GSE1: variants seen among roughly 807,000 people sequenced by gnomAD.
GSE1 encodes the protein Gse1 coiled-coil protein.
Under a neutral mutation model 112.6 loss-of-function variants are expected in GSE1, and 32 were observed. That is an observed-to-expected ratio of 0.28 (90% CI 0.21 to 0.38). The LOEUF (loss-of-function observed/expected upper bound fraction) is 0.38, where lower values mean the gene tolerates loss of function less well. Among genes scored for constraint, GSE1 ranks in the 10% least tolerant of loss-of-function variants. GSE1 has a pLI of 1.00. For missense variants in GSE1, 2,348 were observed against 1,699.2 expected (o/e 1.38, Z -6.71); for synonymous variants, 1,115 against 735.6 (o/e 1.52, Z -8.35).
At chr16:85,422,525 C>T (rs2048872498) in intron 2 of GSE1, among the ~76,000 whole-genome samples, 1 of 151,870 alleles carries the variant, frequency 6.6e-6, no homozygotes, top group South Asian at 2.1e-4. Flanking sequence ...TGCGGGAGTC[C>T]CCTTGTACAC....
intron 1 of GSE1, among the ~76,000 whole-genome samples, chr16:85,251,460 C>A (rs1286740787): frequency 6.6e-6 from 1 of 152,262 alleles, no homozygotes; most frequent in African/African-American, 2.4e-5. Context: ...TCTCTGTTTC[C>A]CTGGGCTCAG....
intron 5 of GSE1, among the ~76,000 whole-genome samples, chr16:85,655,440 C>G (rs914246368): frequency 6.6e-6 from 1 of 152,212 alleles, no homozygotes; most frequent in Admixed American, 6.5e-5. Context: ...GCCCAGCCTG[C>G]TCGCCAGCCT....
chr16:85,631,961 G>T (rs771204537), intron 1 of GSE1, among the ~76,000 whole-genome samples: 4 of 152,270 alleles, frequency 2.6e-5, no homozygotes, highest in Admixed American at 6.5e-5. Context: ...CTTGGGGGCA[G>T]CGTGGCTGGC....
At chr16:85,499,200 G>A (rs1304497667) in intron 2 of GSE1, among the ~76,000 whole-genome samples, 1 of 151,634 alleles carries the variant, frequency 6.6e-6, no homozygotes, top group African/African-American at 2.4e-5. Flanking sequence ...CCTGGGCACA[G>A]TGAAGCTCAT....
chr16:85,422,469 T>G (rs1597708804), intron 2 of GSE1, among the ~76,000 whole-genome samples: 2 of 148,342 alleles, frequency 1.3e-5, no homozygotes, highest in Admixed American at 6.7e-5. Flanking sequence ...CGGGAGGCAG[T>G]GTGGGGTGGG....
intron 2 of GSE1, among the ~76,000 whole-genome samples, chr16:85,538,982 G>A (rs958938472): frequency 2.8e-4 from 43 of 152,130 alleles, no homozygotes; most frequent in African/African-American, 8.2e-4. Context: ...CTGCCATCCG[G>A]GCCACCATGG....
chr16:85,326,695 G>T (rs748044033), intron 1 of GSE1, among the ~76,000 whole-genome samples: 41 of 152,148 alleles, frequency 2.7e-4, no homozygotes, highest in Non-Finnish European at 5.0e-4. Flanking sequence ...CCTCAGTCTC[G>T]GATATTTCGC....
intron 2 of GSE1, chr16:85,463,162 TG>T (rs540027305): frequency 2.0e-4 from 190 of 969,390 alleles, no homozygotes; most frequent in Middle Eastern, 1.6e-3. Flanking sequence ...GACGGGAGGG[TG>T]GGGGGTCCGG....
Position 85,231,442 on chromosome 16 carries a change from G to C in GSE1, c.2283+59635G>C, listed in dbSNP as rs543398725. 1.2e-3 allele frequency among the ~76,000 whole-genome samples: 187 copies of C among 151,644 alleles called. 1 individual carries two copies. In the Middle Eastern group the frequency reaches 0.014, roughly 11 times the overall value. On this transcript the variant is annotated intron_variant, in intron 1 of 2. Coordinates refer to the GSE1 transcript ENST00000637419. Reference sequence around the variant, plus strand: ...TGGATGGATGGATGGACAGATGAATGGATGGATGGAAGGATGGATGGATGG... The same window carrying C: ...TGGATGGATGGATGGACAGATGAATCGATGGATGGAAGGATGGATGGATGG...
intron 1 of GSE1, among the ~76,000 whole-genome samples, chr16:85,337,457 C>G (rs568265779): frequency 6.6e-6 from 1 of 152,026 alleles, no homozygotes; most frequent in African/African-American, 2.4e-5. Context: ...AGGCGCCCGC[C>G]ACCACGCCCG....
intron 1 of GSE1, among the ~76,000 whole-genome samples, chr16:85,304,234 A>G (rs2151466798): frequency 6.6e-6 from 1 of 152,328 alleles, no homozygotes; most frequent in South Asian, 2.1e-4. Flanking sequence ...GTCCCAGGAA[A>G]AGGAAGGGAT....
intron 1 of GSE1, among the ~76,000 whole-genome samples, chr16:85,200,798 T>G (rs2075014250): frequency 6.6e-6 from 1 of 152,302 alleles, no homozygotes; most frequent in East Asian, 1.9e-4. Flanking sequence ...TGGCATTAAA[T>G]GCGTTCACAG....
intron 1 of GSE1, among the ~76,000 whole-genome samples, chr16:85,284,275 C>T (rs1678678847): frequency 6.6e-6 from 1 of 152,232 alleles, no homozygotes; most frequent in Non-Finnish European, 1.5e-5. Flanking sequence ...GGACAAAGAA[C>T]ATGACAGCAG....
chr16:85,410,382 T>C (rs1369137648), intron 2 of GSE1, among the ~76,000 whole-genome samples: 1 of 31,628 alleles, frequency 3.2e-5, no homozygotes, highest in African/African-American at 2.0e-4. Context: ...TAATCCTCAC[T>C]TTTACACTCA....
chr16:85,645,074 G>A (rs927830220), intron 2 of GSE1, among the ~76,000 whole-genome samples: 13 of 151,244 alleles, frequency 8.6e-5, no homozygotes, highest in Non-Finnish European at 1.5e-5. Flanking sequence ...TGCAGCCAGC[G>A]TTTCCCCTCC....
At chr16:85,529,856 C>G (rs1257604544) in intron 2 of GSE1, among the ~76,000 whole-genome samples, 1 of 152,200 alleles carries the variant, frequency 6.6e-6, no homozygotes, top group Non-Finnish European at 1.5e-5. Context: ...CTGGGAGCCA[C>G]GAAACACCTC....
chr16:85,652,381 G>A (rs562789090), intron 3 of GSE1, among the ~76,000 whole-genome samples: 1 of 152,312 alleles, frequency 6.6e-6, no homozygotes, highest in South Asian at 2.1e-4. Context: ...GGAAGTTCCC[G>A]GCCCCACGCA....
chr16:85,357,925 CTCTTG>C (rs1405565201), intron 2 of GSE1, among the ~76,000 whole-genome samples: 2 of 152,130 alleles, frequency 1.3e-5, no homozygotes, highest in African/African-American at 4.8e-5. Flanking sequence ...CCTATACACT[CTCTTG>C]TCTTCATTCA....
intron 1 of GSE1, among the ~76,000 whole-genome samples, chr16:85,616,244 G>A (rs1420600866): frequency 9.9e-5 from 15 of 152,240 alleles, no homozygotes. Context: ...CCCCTGCTCT[G>A]AAGGAGGCGG....
Sources: allele counts gnomAD v4.1 joint callset (sites outside exome capture counted in the v4.1 genomes callset), GRCh38; gene constraint gnomAD v4.1.1; transcripts MANE v1.5; gene names NCBI Gene and HGNC (gene_info 2026-07-23, HGNC 2026-07-21).